The following PKD1L1 variants were observed in gnomAD, a reference collection of about 807,000 sequenced individuals.
PKD1L1 encodes polycystin 1 like 1, transient receptor potential channel interacting, also known as polycystin-1-like protein 1.
A neutral mutation model predicts 323.4 loss-of-function variants in PKD1L1; 236 were observed. The observed-to-expected ratio is 0.73, with a 90% CI of 0.66 to 0.81. The LOEUF (loss-of-function observed/expected upper bound fraction) is 0.81. PKD1L1 is among the 40% of genes least tolerant of loss of function. PKD1L1 has a pLI of 0.00. For synonymous variants in PKD1L1, 1,344 were observed against 1,335.0 expected (o/e 1.01, Z -0.15); for missense variants, 3,320 against 3,508.0 (o/e 0.95, Z 1.35).
At chr7:47,807,492 G>A (rs1784804687) in intron 52 of PKD1L1, among the ~76,000 whole-genome samples, 1 of 152,120 alleles carries the variant, frequency 6.6e-6, no homozygotes, top group Non-Finnish European at 1.5e-5. Context: ...CCTGGGGGTG[G>A]CCCTGGGGCC....
upstream of PKD1L1, among the ~76,000 whole-genome samples, chr7:47,951,021 C>CCGAGGA (rs1428681358): frequency 2.0e-5 from 3 of 152,348 alleles, no homozygotes; most frequent in East Asian, 5.8e-4. Flanking sequence ...TGCTTCCCTC[C>CCGAGGA]CGAGGACGGA....
intron 9 of PKD1L1, 82 bp downstream of exon 9, chr7:47,907,995 T>TATTTC (rs1787241963): frequency 7.3e-7 from 1 of 1,371,466 alleles, no homozygotes; most frequent in Non-Finnish European, 9.8e-7. Context: ...TGCTATAACT[T>TATTTC]GAACAGTATA....
At chr7:47,937,507 A>T (rs562903033) in intron 3 of PKD1L1, among the ~76,000 whole-genome samples, 2 of 152,114 alleles carry the variant, frequency 1.3e-5, no homozygotes, top group Non-Finnish European at 2.9e-5. Context: ...GTGGAGTTTC[A>T]TTCTGAATGA....
chr7:47,870,659 T>C (rs1293020244), intron 24 of PKD1L1, among the ~76,000 whole-genome samples: 2 of 152,202 alleles, frequency 1.3e-5, no homozygotes, highest in South Asian at 2.1e-4. Context: ...GGTAAATGTT[T>C]ATAGAAGAAT....
intron 56 of PKD1L1, among the ~76,000 whole-genome samples, chr7:47,785,516 G>A (rs142266559): frequency 6.6e-6 from 1 of 152,180 alleles, no homozygotes; most frequent in African/African-American, 2.4e-5. Context: ...CTCTCTCAGT[G>A]GTCTCATGGG....
chr7:47,832,831 T>A (rs1173784725), intron 41 of PKD1L1, among the ~76,000 whole-genome samples: 1 of 152,228 alleles, frequency 6.6e-6, no homozygotes, highest in Non-Finnish European at 1.5e-5. Context: ...TCCAGAATAC[T>A]TTAAAAAGGT....
chr7:47,936,728 C>T, intron 4 of PKD1L1, 118 bp downstream of exon 4: 1 of 756,614 alleles, frequency 1.3e-6, no homozygotes, highest in Non-Finnish European at 2.2e-6. Context: ...CATTTGCTAA[C>T]CCACCCTCGG....
In PKD1L1 at chr7:47,899,416, T is replaced by TG. The variant is rs66614954; in HGVS notation, c.2065-1223dup. ...TAATAAGCCAATGAGGATGAGGATA[T>TG]GGGGGGGAATATTAGTGTCTACCCA... On this transcript the variant is annotated intron_variant, in intron 13 of 56. Coordinates refer to ENST00000289672, the MANE Select transcript of PKD1L1 (RefSeq NM_138295.5). Among the ~76,000 whole-genome samples, 11 of 151,946 alleles carry TG rather than the reference T, an allele frequency of 7.2e-5. No homozygotes were observed. In the South Asian group the frequency reaches 8.3e-4, roughly 11 times the overall value.
chr7:47,827,851 T>C (rs879507956), intron 44 of PKD1L1, among the ~76,000 whole-genome samples: 3 of 152,196 alleles, frequency 2.0e-5, no homozygotes, highest in East Asian at 1.9e-4. Flanking sequence ...TTTTAAAGTA[T>C]AGTCTTAGCA....
intron 40 of PKD1L1, among the ~76,000 whole-genome samples, chr7:47,833,649 T>C (rs73692892): frequency 0.011 from 1,662 of 152,192 alleles, 23 homozygotes; most frequent in African/African-American, 0.038. Flanking sequence ...ACACTGTGTT[T>C]CCAGCAGCGG....
chr7:47,905,883 G>A lies in PKD1L1; in HGVS notation c.1482C>T (p.Ser494=). 1 of 1,613,726 alleles carries A rather than the reference G, an allele frequency of 6.2e-7. No homozygotes were observed. The highest frequency in any genetic ancestry group is 8.5e-7 in the Non-Finnish European group (1 of 1,179,912). ...SFISQTQVGD[S]QAWHSMTVWY... ...AGACAGTCATGCTGTGCCAAGCCTG[G>A]CTGTCACCCACTTGAGTCTGAGAAA... is the stretch of plus-strand genomic sequence containing the variant. Residue 494 remains serine, a synonymous_variant, in exon 10 of 57, where the codon AGC becomes AGT. Transcript: ENST00000289672.
intron 13 of PKD1L1, among the ~76,000 whole-genome samples, chr7:47,898,967 T>C (rs1346746563): frequency 3.9e-5 from 6 of 151,952 alleles, no homozygotes; most frequent in African/African-American, 1.5e-4. Context: ...TCCTAAACTA[T>C]AGTTTGGTCA....
At chr7:47,791,149 TA>T (rs1192112449) in intron 56 of PKD1L1, among the ~76,000 whole-genome samples, 2 of 152,152 alleles carry the variant, frequency 1.3e-5, no homozygotes, top group African/African-American at 2.4e-5. Flanking sequence ...TATTTTAAAA[TA>T]TTTTTTTCTG....
intron 1 of PKD1L1, among the ~76,000 whole-genome samples, chr7:47,947,323 G>A (rs1274538670): frequency 2.0e-5 from 3 of 152,184 alleles, no homozygotes; most frequent in African/African-American, 2.4e-5. Context: ...TTTTTATAAC[G>A]ACCCTCTGGA....
At chr7:47,948,809 T>C (rs1788153489), upstream of PKD1L1, among the ~76,000 whole-genome samples, 1 of 151,344 alleles carries the variant, frequency 6.6e-6, no homozygotes, top group Admixed American at 6.6e-5. Context: ...AATACAAAAA[T>C]AGCCAAGTGT....
chr7:47,834,854 C>T, intron 39 of PKD1L1, 113 bp downstream of exon 39: 1 of 855,416 alleles, frequency 1.2e-6, no homozygotes, highest in African/African-American at 1.7e-5. Flanking sequence ...CTCAATGTTA[C>T]TCATAATAAA....
At chr7:47,920,525 G>T (rs1474963454) in intron 7 of PKD1L1, among the ~76,000 whole-genome samples, 2 of 152,048 alleles carry the variant, frequency 1.3e-5, no homozygotes, top group African/African-American at 4.8e-5. Flanking sequence ...CATCTTCACA[G>T]AATTAGAAAA....
At chr7:47,799,865 A>C (rs947319463) in intron 54 of PKD1L1, among the ~76,000 whole-genome samples, 3 of 152,218 alleles carry the variant, frequency 2.0e-5, no homozygotes, top group African/African-American at 7.2e-5. Context: ...TGATGTGGGC[A>C]TAGCAATCCT....
Position 47,866,553 on chromosome 7 carries a change from T to C in PKD1L1, c.3958A>G (p.Arg1320Gly), listed in dbSNP as rs746414638. ...CTGGTGATCACAGTGATGTAGTTCC[T>C]GATTTCTGTGTAACTCCCCATCAGC... ...LQLMGSYTEI[R>G]NYITVITRIL... Residue 1320 changes from arginine to glycine, a missense_variant, in exon 25 of 57, where the codon AGG (arginine) becomes GGG (glycine). By Grantham distance (125) the Arg-to-Gly change is moderately radical (BLOSUM62 -2). Coordinates refer to ENST00000289672, the MANE Select transcript of PKD1L1 (RefSeq NM_138295.5). The C allele has an allele frequency of 1.2e-6, 2 of 1,613,222 alleles. No homozygotes were observed. The highest frequency in any genetic ancestry group is 1.7e-6 in the Non-Finnish European group (2 of 1,179,550).
Sources: allele counts gnomAD v4.1 joint callset (sites outside exome capture counted in the v4.1 genomes callset), GRCh38; gene constraint gnomAD v4.1.1; transcripts MANE v1.5; gene names NCBI Gene and HGNC (gene_info 2026-07-23, HGNC 2026-07-21).